Variants in GDA observed in about 807,000 individuals in gnomAD.
GDA encodes the protein cytoplasmic PSD-95 interactor.
In GDA, 18 loss-of-function variants were observed where a neutral mutation model predicts 59.6. That is an observed-to-expected ratio of 0.30 (90% CI 0.21 to 0.45). The LOEUF is 0.45. Ranked by LOEUF, GDA falls within the 20% of genes least tolerant of loss-of-function variation. The pLI is 1.00. For missense variants in GDA, 427 were observed against 552.3 expected (o/e 0.77, Z 2.27); for synonymous variants, 201 against 201.1 (o/e 1.00, Z 0.00).
At chr9:72,242,983 T>G (rs1463009916) in intron 11 of GDA, among the ~76,000 whole-genome samples, 2 of 152,210 alleles carry the variant, frequency 1.3e-5, no homozygotes, top group African/African-American at 4.8e-5. Context: ...TGTGTAGCTT[T>G]TAAATCTATT....
chr9:72,141,732 C>T (rs1564155096), intron 1 of GDA, among the ~76,000 whole-genome samples: 1 of 152,170 alleles, frequency 6.6e-6, no homozygotes, highest in African/African-American at 2.4e-5. Context: ...CCACGGTCAG[C>T]TCAAACCAGT....
At position 72,220,565 on chromosome 9, in the gene GDA, A is replaced by G. The variant is rs558965807; in HGVS notation, c.606+1059A>G. ...CTCAGTCACTGCTCAGGTTAGAGTT[A>G]CCGTCTCAGGGTAGGTTTTTCTTCC... On this transcript the variant is annotated intron_variant, in intron 6 of 13. Coordinates refer to ENST00000358399, the MANE Select transcript of GDA (RefSeq NM_004293.5). Among the ~76,000 whole-genome samples, 9 of 152,250 alleles carry G rather than the reference A, an allele frequency of 5.9e-5. No homozygotes were observed. The East Asian group carries it at 1.4e-3, about 23-fold the overall frequency.
downstream of GDA, chr9:72,257,402 C>T (rs964641676): frequency 1.3e-5 from 2 of 152,210 alleles, no homozygotes; most frequent in African/African-American, 4.8e-5. Context: ...TTATTTCCCC[C>T]ACGGTGAGTA....
At chr9:72,147,434 G>C (rs973029209), upstream of GDA, among the ~76,000 whole-genome samples, 2 of 152,052 alleles carry the variant, frequency 1.3e-5, no homozygotes, top group Admixed American at 1.3e-4. Flanking sequence ...TCTCAATCTC[G>C]ACCTCGTGAT....
intron 10 of GDA, among the ~76,000 whole-genome samples, chr9:72,237,345 T>A (rs1478288464): frequency 6.6e-6 from 1 of 152,212 alleles, no homozygotes; most frequent in Admixed American, 6.5e-5. Flanking sequence ...ATGGGACTTG[T>A]CAGCAGTATT....
intron 1 of GDA, among the ~76,000 whole-genome samples, chr9:72,120,024 C>CCATA (rs1825608205): frequency 6.6e-6 from 1 of 152,024 alleles, no homozygotes; most frequent in South Asian, 2.1e-4. Flanking sequence ...CTTGTATAGC[C>CCATA]CATAAGCAAG....
chr9:72,157,911 C>T (rs1828116971), intron 1 of GDA, among the ~76,000 whole-genome samples: 1 of 152,198 alleles, frequency 6.6e-6, no homozygotes, highest in Non-Finnish European at 1.5e-5. Flanking sequence ...GGATGTCTAT[C>T]CATGCAAATT....
At chr9:72,190,760 A>G (rs1375949922) in intron 1 of GDA, among the ~76,000 whole-genome samples, 1 of 152,198 alleles carries the variant, frequency 6.6e-6, no homozygotes, top group Non-Finnish European at 1.5e-5. Flanking sequence ...CAACCATTGT[A>G]GTAAAATATC....
chr9:72,249,882 A>G lies in GDA; in HGVS notation c.*1540A>G, dbSNP rs889910368. 1.6e-5 allele frequency: 16 copies of G among 973,520 alleles called. No individual in the cohort carries two copies. The East Asian group carries it at 1.7e-3, about 104-fold the overall frequency. The allele number at this position is 973,520 out of a possible 1,614,324, so 60.3% of individuals were successfully genotyped here. On this transcript the variant is annotated 3_prime_UTR_variant, in exon 14 of 14. Coordinates refer to ENST00000358399, the MANE Select transcript of GDA (RefSeq NM_004293.5). ...CCTGTAGTATAAATTTTATTTTCACATACTTAGCTAATTTAGCAGTAATTG... is the reference window on the plus strand; with the variant it reads ...CCTGTAGTATAAATTTTATTTTCACGTACTTAGCTAATTTAGCAGTAATTG...
At position 72,214,176 on chromosome 9, in the gene GDA, G is replaced by A. The variant is rs1052859401; in HGVS notation, c.578+185G>A. Among the ~76,000 whole-genome samples the A allele has an allele frequency of 8.5e-5, 13 of 152,140 alleles. No homozygotes were observed. In the East Asian group the frequency reaches 9.6e-4, roughly 11 times the overall value. ...CTACAGTGAATTTGATCAAACACTC[G>A]ATAATCATTAATGATTTACAAAGAG... On this transcript the variant is annotated intron_variant, in intron 5 of 13. Coordinates refer to ENST00000358399, the MANE Select transcript of GDA (RefSeq NM_004293.5).
intron 1 of GDA, among the ~76,000 whole-genome samples, chr9:72,152,071 C>T (rs1235059069): frequency 6.6e-6 from 1 of 152,096 alleles, no homozygotes. Flanking sequence ...ACAAGCATCC[C>T]AGGAGATTCA....
chr9:72,180,677 A>G (rs538438420), intron 1 of GDA, among the ~76,000 whole-genome samples: 2 of 152,222 alleles, frequency 1.3e-5, no homozygotes, highest in South Asian at 4.1e-4. Flanking sequence ...TTTATGGTGA[A>G]TTTCACTCCG....
intron 6 of GDA, among the ~76,000 whole-genome samples, chr9:72,222,570 A>T (rs1837025917): frequency 6.6e-6 from 1 of 152,202 alleles, no homozygotes; most frequent in South Asian, 2.1e-4. Context: ...TAGTTTAATT[A>T]CATCCCATTT....
At chr9:72,154,178 G>C (rs1182665082) in intron 1 of GDA, among the ~76,000 whole-genome samples, 1 of 152,076 alleles carries the variant, frequency 6.6e-6, no homozygotes, top group Non-Finnish European at 1.5e-5. Context: ...TTGTGTCCTG[G>C]GGTGGCAGGA....
chr9:72,142,859 C>T (rs1007238021), intron 1 of GDA, among the ~76,000 whole-genome samples: 2 of 151,174 alleles, frequency 1.3e-5, no homozygotes, highest in African/African-American at 4.9e-5. Flanking sequence ...ACCTCTGCCT[C>T]CTGGGTTCAA....
At chr9:72,114,627 A>T (rs1004532718) in exon 1 of GDA, 1 of 151,194 alleles carries the variant, frequency 6.6e-6, no homozygotes, top group African/African-American at 2.4e-5. Context: ...AGTAGCCGGG[A>T]CTACAGGCAC....
intron 1 of GDA, among the ~76,000 whole-genome samples, chr9:72,126,099 G>T (rs920158695): frequency 5.3e-5 from 8 of 151,978 alleles, no homozygotes; most frequent in Admixed American, 2.0e-4. Context: ...TGTATTTTTA[G>T]TACAGACGGG....
chr9:72,171,637 G>A (rs1829989542), intron 1 of GDA, among the ~76,000 whole-genome samples: 1 of 152,014 alleles, frequency 6.6e-6, no homozygotes, highest in Non-Finnish European at 1.5e-5. Flanking sequence ...ATTGTTCACG[G>A]CTCCCATTTC....
At chr9:72,155,854 T>C (rs1827824641) in intron 1 of GDA, among the ~76,000 whole-genome samples, 1 of 152,194 alleles carries the variant, frequency 6.6e-6, no homozygotes, top group Non-Finnish European at 1.5e-5. Context: ...TATGTGAATT[T>C]GATCAAGTTC....
Sources: gnomAD v4.1 joint callset for allele counts (sites outside exome capture counted in the v4.1 genomes callset) on GRCh38, gnomAD v4.1.1 for gene constraint, MANE v1.5 for transcripts, NCBI Gene and HGNC (gene_info 2026-07-23, HGNC 2026-07-21) for gene names.